The following SIK3 variants were observed in gnomAD, a reference collection of about 807,000 sequenced individuals.
SIK3 encodes the protein SIK family kinase 3, also known as serine/threonine-protein kinase SIK3.
In SIK3, 28 loss-of-function variants were observed where a neutral mutation model predicts 144.2. That is an observed-to-expected ratio of 0.19 (90% CI 0.14 to 0.27). The LOEUF (loss-of-function observed/expected upper bound fraction) is 0.27. SIK3 is among the 10% of genes least tolerant of loss of function. SIK3 has a pLI of 1.00. For synonymous variants in SIK3, 686 were observed against 676.3 expected (o/e 1.01, Z -0.22); for missense variants, 1,319 against 1,776.0 (o/e 0.74, Z 4.62).
rs1176652547 is a variant in SIK3 at position 116,846,839 on chromosome 11, C to T, written c.3953-286G>A. ...CTGTAGTGTGAGAGAAGATAGAGGACTCCTTCAGAAAGGATCACCTCTTAA... is the reference window on the plus strand; with the variant it reads ...CTGTAGTGTGAGAGAAGATAGAGGATTCCTTCAGAAAGGATCACCTCTTAA... On this transcript the variant is annotated intron_variant, in intron 23 of 24. Coordinates refer to ENST00000445177, the MANE Select transcript of SIK3 (RefSeq NM_001366686.3). This position sits in a 1 kb window ranked among gnomAD's most constrained non-coding sequence, Gnocchi z 4.1. 6.6e-6 allele frequency among the ~76,000 whole-genome samples: 1 copy of T among 152,208 alleles called. No individual in the cohort carries two copies. Among genetic ancestry groups the T allele is most frequent in the Non-Finnish European group, 1.5e-5 (1 of 68,036 alleles).
At chr11:116,847,824 C>T (rs540561361) in intron 22 of SIK3, among the ~76,000 whole-genome samples, 11 of 152,238 alleles carry the variant, frequency 7.2e-5, no homozygotes, top group East Asian at 1.9e-4. Flanking sequence ...GAGGGTGGGG[C>T]GGATGTGGCA....
At chr11:116,996,777 G>A (rs559120319) in intron 1 of SIK3, among the ~76,000 whole-genome samples, 58 of 123,870 alleles carry the variant, frequency 4.7e-4, no homozygotes, top group Non-Finnish European at 7.4e-4. Flanking sequence ...CCAAGATCGC[G>A]CCACTACACT....
chr11:117,036,893 CAATT>C (rs1952529087), intron 1 of SIK3, among the ~76,000 whole-genome samples: 1 of 152,102 alleles, frequency 6.6e-6, no homozygotes, highest in Non-Finnish European at 1.5e-5. Context: ...ATGAATCAAT[CAATT>C]CATTTCTAAT....
At chr11:117,084,561 G>A (rs574110149) in intron 1 of SIK3, among the ~76,000 whole-genome samples, 18 of 152,084 alleles carry the variant, frequency 1.2e-4, no homozygotes, top group Non-Finnish European at 2.2e-4. Context: ...CCACCGCGCC[G>A]GGCCCAGCCT....
intron 1 of SIK3, among the ~76,000 whole-genome samples, chr11:116,970,337 G>A (rs574722719): frequency 1.3e-5 from 2 of 152,236 alleles, no homozygotes; most frequent in African/African-American, 4.8e-5. Flanking sequence ...TTCCTAATTC[G>A]AACTCTGGGA....
intron 11 of SIK3, 143 bp from the exon 12 acceptor site, chr11:116,874,199 A>G (rs1300468996): frequency 2.3e-6 from 2 of 877,838 alleles, no homozygotes; most frequent in Non-Finnish European, 3.5e-6. Context: ...AAGATCCTAA[A>G]GCAAAGCAAA....
At chr11:116,903,144 G>A (rs1945825881) in intron 4 of SIK3, among the ~76,000 whole-genome samples, 1 of 152,156 alleles carries the variant, frequency 6.6e-6, no homozygotes, top group South Asian at 2.1e-4. Context: ...ACTAAATCTG[G>A]AAGTCATTTT....
intron 3 of SIK3, among the ~76,000 whole-genome samples, chr11:116,928,230 G>T (rs1264026169): frequency 6.6e-6 from 1 of 152,162 alleles, no homozygotes; most frequent in African/African-American, 2.4e-5. Flanking sequence ...ATAGCAGTAG[G>T]TTTATACCAA....
intron 1 of SIK3, among the ~76,000 whole-genome samples, chr11:116,958,409 G>A (rs535908746): frequency 2.0e-5 from 3 of 152,212 alleles, no homozygotes; most frequent in Non-Finnish European, 4.4e-5. Flanking sequence ...GAGCATTCAA[G>A]CCATGCCTAA....
At chr11:116,908,082 G>A (rs1219112965) in intron 4 of SIK3, among the ~76,000 whole-genome samples, 3 of 151,346 alleles carry the variant, frequency 2.0e-5, no homozygotes, top group Non-Finnish European at 4.4e-5. Context: ...AAAGGGAAAA[G>A]TGGTAAACTT....
intron 3 of SIK3, among the ~76,000 whole-genome samples, chr11:116,928,379 T>A (rs1216845095): frequency 3.3e-5 from 5 of 152,218 alleles, no homozygotes; most frequent in Non-Finnish European, 5.9e-5. Flanking sequence ...ATGAGCACTG[T>A]CCTTTAATCA....
intron 1 of SIK3, among the ~76,000 whole-genome samples, chr11:116,973,504 C>G (rs1949836844): frequency 6.6e-6 from 1 of 152,150 alleles, no homozygotes; most frequent in Admixed American, 6.5e-5. Flanking sequence ...ATGTCAGGCT[C>G]CTTAGTTTAC....
At chr11:116,987,070 T>A (rs1208506995) in intron 1 of SIK3, among the ~76,000 whole-genome samples, 7 of 152,156 alleles carry the variant, frequency 4.6e-5, no homozygotes, top group Non-Finnish European at 1.0e-4. Context: ...TACTTAACAC[T>A]AGTGAACCGT....
At chr11:116,897,604 A>G (rs1945479287) in intron 4 of SIK3, among the ~76,000 whole-genome samples, 1 of 152,210 alleles carries the variant, frequency 6.6e-6, no homozygotes, top group South Asian at 2.1e-4. Flanking sequence ...TAAGAATGCA[A>G]ATGGGCCTGG....
intron 1 of SIK3, among the ~76,000 whole-genome samples, chr11:117,040,261 CACTA>C (rs1952681215): frequency 2.0e-5 from 3 of 152,214 alleles, no homozygotes; most frequent in African/African-American, 7.2e-5. Context: ...CTGGCGCCAT[CACTA>C]ACTGAGCATG....
At chr11:116,982,256 C>T (rs1020689467) in intron 1 of SIK3, among the ~76,000 whole-genome samples, 4 of 152,062 alleles carry the variant, frequency 2.6e-5, no homozygotes, top group African/African-American at 7.2e-5. Context: ...AGAACCACCA[C>T]CACCTTCAGG....
At chr11:116,934,488 T>C (rs562179) in intron 3 of SIK3, among the ~76,000 whole-genome samples, 130,057 of 152,244 alleles carry the variant, frequency 0.85, 56,297 homozygotes, top group African/African-American at 0.91. Flanking sequence ...GCAAAAAGTA[T>C]ACTAAATTTT....
intron 21 of SIK3, among the ~76,000 whole-genome samples, chr11:116,855,098 A>C (rs1321348385): frequency 6.6e-6 from 1 of 151,420 alleles, no homozygotes. Flanking sequence ...AAAAAAAAAA[A>C]AAAAAAAAAA....
Position 116,844,873 on chromosome 11 carries a change from A to G in SIK3, c.*770T>C, listed in dbSNP as rs2134252137. On this transcript the variant is annotated 3_prime_UTR_variant, in exon 25 of 25. Coordinates refer to ENST00000445177, the MANE Select transcript of SIK3 (RefSeq NM_001366686.3). The stretch of plus-strand genomic sequence containing the variant: ...TTACAAGAGGGGAGCTGAGTTATCC[A>G]CCAAAAGCAAAGGCTCAAATTGAGA... 6.6e-6 allele frequency: 1 copy of G among 151,694 alleles called. No individual in the cohort carries two copies. The highest frequency in any genetic ancestry group is 2.4e-5 in the African/African-American group (1 of 41,408). The allele number at this position is 151,694 out of a possible 1,614,324, so 9.4% of individuals were successfully genotyped here.
Sources: allele counts gnomAD v4.1 joint callset (sites outside exome capture counted in the v4.1 genomes callset), GRCh38; gene constraint gnomAD v4.1.1; non-coding constraint Gnocchi (gnomAD v3.1); transcripts MANE v1.5; gene names NCBI Gene and HGNC (gene_info 2026-07-23, HGNC 2026-07-21).